The following ZNF264 variants were observed in gnomAD, a reference collection of about 807,000 sequenced individuals.
ZNF264 encodes the protein zinc finger protein 264.
ZNF264 carries 11 observed loss-of-function variants against 11.2 expected under a neutral mutation model. The ratio of observed to expected loss-of-function variants is 0.98; its 90% CI spans 0.62 to 1.63. ZNF264 has a LOEUF of 1.63. Ranked by LOEUF, ZNF264 falls within the 40% of genes most tolerant of loss-of-function variation. The pLI is 0.00. For missense variants in ZNF264, 752 were observed against 768.1 expected, an observed-to-expected ratio of 0.98 and a Z score of 0.25; for synonymous variants, 309 against 279.8, an observed-to-expected ratio of 1.10 and a Z score of -1.04.
In ZNF264 at chr19:57,212,573, C is replaced by G. The variant is rs1439150762; in HGVS notation, c.1476C>G (p.Phe492Leu). The change falls in exon 4 of 4, where the codon TTC (phenylalanine) becomes TTG (leucine). Residue 492 changes from phenylalanine (F) to leucine (L), a missense_variant. Physicochemically the swap from Phe to Leu is conservative, Grantham distance 22 (BLOSUM62 0). Coordinates refer to ENST00000263095, the MANE Select transcript of ZNF264 (RefSeq NM_003417.5). ...PYECVECGKA[F>L]TRMSGLTRHK... ...AGTGCGTGGAGTGTGGAAAGGCCTT[C>G]ACCCGCATGTCGGGCCTCACGAGGC... 1 of 1,614,028 alleles carries G rather than the reference C, an allele frequency of 6.2e-7. No individual in the cohort carries two copies. The highest frequency in any genetic ancestry group is 8.5e-7 in the Non-Finnish European group (1 of 1,180,020).
chr19:57,192,683 C>T (rs1044026116), intron 1 of ZNF264: 20 of 490,168 alleles, frequency 4.1e-5, no homozygotes, highest in Non-Finnish European at 4.8e-5. Context: ...CTTCCAGTGC[C>T]GCTCTGTGGG....
chr19:57,197,134 G>A (rs1344131008), intron 2 of ZNF264, among the ~76,000 whole-genome samples: 1 of 151,930 alleles, frequency 6.6e-6, no homozygotes, highest in East Asian at 1.9e-4. Context: ...GGCCATCGGT[G>A]CAGGCTGGGG....
rs780114206 is a variant in ZNF264, at chr19:57,211,808, G to C, written c.711G>C (p.Gly237=). 6.2e-7 allele frequency: 1 copy of C among 1,614,176 alleles called. No homozygotes were observed. The highest frequency in any genetic ancestry group is 1.3e-5 in the African/African-American group (1 of 75,024). Reference sequence around the variant, plus strand: ...AGCCCTATGAATGCACAGAATGTGGGAAAACCTTTATTAAGAGCACACATC... The same window carrying C: ...AGCCCTATGAATGCACAGAATGTGGCAAAACCTTTATTAAGAGCACACATC... ...GVKPYECTEC[G]KTFIKSTHLL... is the part of the protein sequence containing the mutation. Residue 237 remains glycine (G), a synonymous_variant, in exon 4 of 4, where the codon GGG becomes GGC. Coordinates refer to ENST00000263095, the MANE Select transcript of ZNF264 (RefSeq NM_003417.5).
rs1036811829 is a variant in ZNF264, at chr19:57,213,503, A to C, written c.*522A>C. ...CACGTTTAAGTCAGTAAGGATACAC[A>C]TGTTAACATTCAGGCTTTTGTCTTG... is the stretch of plus-strand genomic sequence containing the variant. On this transcript the variant is annotated 3_prime_UTR_variant, in exon 4 of 4. Coordinates refer to ENST00000263095, the MANE Select transcript of ZNF264 (RefSeq NM_003417.5). 1 of 152,446 alleles carries C rather than the reference A, an allele frequency of 6.6e-6. No individual in the cohort carries two copies. Among genetic ancestry groups the C allele is most frequent in the Non-Finnish European group, 1.5e-5 (1 of 68,222 alleles). The allele number at this position is 152,446 out of a possible 1,614,324, so 9.4% of individuals were successfully genotyped here. A position where few individuals can be genotyped will look rare whatever the true frequency, so the allele number is the denominator to read the frequency against.
Position 57,217,949 on chromosome 19 carries a change from A to T in ZNF264, c.*4968A>T, listed in dbSNP as rs558907293. 1 of 149,928 alleles carries T rather than the reference A, an allele frequency of 6.7e-6. No homozygotes were observed. The highest frequency in any genetic ancestry group is 1.5e-5 in the Non-Finnish European group (1 of 67,510). The allele number at this position is 149,928 out of a possible 1,614,324, so 9.3% of individuals were successfully genotyped here. ...TGGGATTACAGGTGTGCGCCGCCAC[A>T]CCCAGCTAATTTTGTATTTTTAGTA... On this transcript the variant is annotated 3_prime_UTR_variant, in exon 4 of 4. Coordinates refer to ENST00000263095, the MANE Select transcript of ZNF264 (RefSeq NM_003417.5).
chr19:57,194,058 T>A, intron 2 of ZNF264, 57 bp downstream of exon 2: 2 of 1,552,242 alleles, frequency 1.3e-6, no homozygotes, highest in South Asian at 2.5e-5. Flanking sequence ...CTTCATTCCA[T>A]CTTCTGACTC....
In ZNF264 at chr19:57,216,931, A is replaced by T. The variant is rs1465758564; in HGVS notation, c.*3950A>T. The stretch of plus-strand genomic sequence containing the variant: ...TTTTAGTATAGATCCTCCTTGACTT[A>T]TGATGGGGTTATGTCACAATAAACC... On this transcript the variant is annotated 3_prime_UTR_variant, in exon 4 of 4. Transcript: ENST00000263095. 10 of 151,072 alleles carry T rather than the reference A, an allele frequency of 6.6e-5. No individual in the cohort carries two copies. Among genetic ancestry groups the T allele is most frequent in the Non-Finnish European group, 1.5e-5 (1 of 67,910 alleles). The allele number at this position is 151,072 out of a possible 1,614,324, so 9.4% of individuals were successfully genotyped here.
chr19:57,201,070 T>C (rs996237057), intron 2 of ZNF264, among the ~76,000 whole-genome samples: 2 of 151,940 alleles, frequency 1.3e-5, no homozygotes, highest in Admixed American at 6.5e-5. Flanking sequence ...TATGTGTATA[T>C]ATATACAACT....
At position 57,214,128 on chromosome 19, in the gene ZNF264, A is replaced by G. The variant is rs1658617213; in HGVS notation, c.*1147A>G. On this transcript the variant is annotated 3_prime_UTR_variant, in exon 4 of 4. Transcript: ENST00000263095. ...TTATTATTTTTAGCTATTTCTTTCG[A>G]CAGAATCCTTGGAATTTTCTATATA... 6.6e-6 allele frequency: 1 copy of G among 152,162 alleles called. No individual in the cohort carries two copies. The highest frequency in any genetic ancestry group is 2.4e-5 in the African/African-American group (1 of 41,428). 9.4% of individuals were successfully genotyped at this position (152,162 alleles called of 1,614,324 possible).
At chr19:57,195,444 T>C (rs2087205212) in intron 2 of ZNF264, among the ~76,000 whole-genome samples, 1 of 152,262 alleles carries the variant, frequency 6.6e-6, no homozygotes, top group South Asian at 2.1e-4. Flanking sequence ...GACTACCTTC[T>C]TCTCCTGCAC....
chr19:57,192,207 A>T (rs1022635642), intron 1 of ZNF264: 6 of 459,192 alleles, frequency 1.3e-5, no homozygotes, highest in Non-Finnish European at 1.7e-5. Flanking sequence ...TCTCTGGTGG[A>T]CCAGGTCTCA....
At chr19:57,192,470 GC>G (rs1458423794) in intron 1 of ZNF264, 37 of 985,248 alleles carry the variant, frequency 3.8e-5, no homozygotes, top group Non-Finnish European at 4.1e-5. Context: ...CATCGCTACA[GC>G]CTGCATTATC....
At position 57,216,534 on chromosome 19, in the gene ZNF264, A is replaced by T. The variant is rs2087381457; in HGVS notation, c.*3553A>T. The T allele has an allele frequency of 6.6e-6, 1 of 152,166 alleles. No homozygotes were observed. The allele number at this position is 152,166 out of a possible 1,614,324, so 9.4% of individuals were successfully genotyped here. On this transcript the variant is annotated 3_prime_UTR_variant, in exon 4 of 4. Transcript: ENST00000263095. The stretch of plus-strand genomic sequence containing the variant: ...TGATGTCATTTTTTTGCCTTTTAAT[A>T]GTCTTGTCAATACTTTACCTGATGT...
chr19:57,193,575 C>A, intron 1 of ZNF264: 1 of 972,412 alleles, frequency 1.0e-6, no homozygotes, highest in Non-Finnish European at 1.2e-6. Flanking sequence ...CTATTATTAC[C>A]ATTTCCCCAT....
Position 57,211,518 on chromosome 19 carries a change from A to G in ZNF264, c.421A>G (p.Arg141Gly), listed in dbSNP as rs768297272. Residue 141 changes from arginine (R) to glycine (G), a missense_variant, in exon 4 of 4, where the codon AGA becomes GGA. Coordinates refer to ENST00000263095, the MANE Select transcript of ZNF264 (RefSeq NM_003417.5). ...GLSEMQEGHF[R>G]PGIDPQEKSP... The stretch of plus-strand genomic sequence containing the variant: ...ATCAGAAATGCAGGAAGGACACTTC[A>G]GACCAGGAATAGATCCCCAGGAGAA... The G allele has an allele frequency of 5.6e-6, 9 of 1,614,130 alleles. No homozygotes were observed. Among genetic ancestry groups the G allele is most frequent in the Admixed American group, 1.7e-5 (1 of 60,012 alleles).
intron 3 of ZNF264, among the ~76,000 whole-genome samples, chr19:57,209,656 A>T (rs1300806487): frequency 6.6e-6 from 1 of 152,170 alleles, no homozygotes; most frequent in African/African-American, 2.4e-5. Flanking sequence ...ACTTTGCTGC[A>T]GTCTTGAATT....
In ZNF264 at chr19:57,212,651, A is replaced by G. The variant is rs1488107452; in HGVS notation, c.1554A>G (p.Lys518=). 4.3e-6 allele frequency: 7 copies of G among 1,613,764 alleles called. No homozygotes were observed. The highest frequency in any genetic ancestry group is 1.3e-5 in the African/African-American group (1 of 74,834). The change falls in exon 4 of 4, where the codon AAA becomes AAG. Residue 518 remains lysine, a synonymous_variant. Transcript: ENST00000263095. ...CCTATGAATGTGTTGAGTGTGGGAA[A>G]TCGTTTTGCTGGAGCACAAACCTCA... The part of the protein sequence containing the change: ...EKPYECVECG[K]SFCWSTNLIR...
rs4801444 is a variant in ZNF264, at chr19:57,219,940, G to A, written c.*6959G>A. On this transcript the variant is annotated 3_prime_UTR_variant, in exon 4 of 4. Coordinates refer to ENST00000263095, the MANE Select transcript of ZNF264 (RefSeq NM_003417.5). ...ACCCATAATTATAATGAGAGCAGGTGAATGTCATGTGGCTATGTATGAGAC... is the reference window on the plus strand; with the variant it reads ...ACCCATAATTATAATGAGAGCAGGTAAATGTCATGTGGCTATGTATGAGAC... 0.18 allele frequency: 27,874 copies of A among 152,264 alleles called. 3,003 individuals carry two copies. The highest frequency in any genetic ancestry group is 0.25 in the Middle Eastern group (75 of 296). 9.4% of individuals were successfully genotyped at this position (152,264 alleles called of 1,614,324 possible). A position where few individuals can be genotyped will look rare whatever the true frequency, so the allele number is the denominator to read the frequency against.
chr19:57,192,220 C>T (rs981237552), intron 1 of ZNF264: 1 of 550,474 alleles, frequency 1.8e-6, no homozygotes, highest in Admixed American at 6.4e-5. Context: ...AGGTCTCATT[C>T]CAGCATGAAT....
Sources: gnomAD v4.1 joint callset for allele counts (sites outside exome capture counted in the v4.1 genomes callset) on GRCh38, gnomAD v4.1.1 for gene constraint, MANE v1.5 for transcripts, NCBI Gene and HGNC (gene_info 2026-07-23, HGNC 2026-07-21) for gene names.